TCF19: variants seen among roughly 807,000 people sequenced by gnomAD.
The protein encoded by TCF19 is transcription factor 19, also known as transcription factor SC1.
Under a neutral mutation model 18.3 loss-of-function variants are expected in TCF19, and 9 were observed. The observed-to-expected ratio is 0.49, with a 90% confidence interval of 0.30 to 0.86. The LOEUF (loss-of-function observed/expected upper bound fraction) is 0.86. Ranked by LOEUF, TCF19 falls within the 40% of genes least tolerant of loss-of-function variation. The probability of loss-of-function intolerance (pLI) is 0.07; values close to 1 mark genes in which losing one functional copy is unlikely to be tolerated. For missense variants in TCF19, 376 were observed against 464.3 expected (o/e 0.81, Z 1.75); for synonymous variants, 176 against 185.3 (o/e 0.95, Z 0.41).
Position 31,162,794 on chromosome 6 carries a change from C to A in TCF19, c.*77C>A, listed in dbSNP as rs749828323. 9.8e-5 allele frequency: 151 copies of A among 1,539,816 alleles called. No homozygotes were observed. Among genetic ancestry groups the A allele is most frequent in the Non-Finnish European group, 1.3e-4 (149 of 1,149,628 alleles). ...AGCGAGCAAATAGGTCTGATAAATA[C>A]CCCCCTTCCCTTCCCTCCCCAGGAG... On this transcript the variant is annotated 3_prime_UTR_variant, in exon 4 of 4. Coordinates refer to ENST00000376257, the MANE Select transcript of TCF19 (RefSeq NM_007109.3). This position sits in a 1 kb window ranked among gnomAD's most constrained non-coding sequence, Gnocchi z 4.5.
At position 31,162,328 on chromosome 6, in the gene TCF19, G is replaced by T. The variant is rs756042226; in HGVS notation, c.798-149G>T. On this transcript the variant is annotated intron_variant, in intron 3 of 3. Coordinates refer to ENST00000376257, the MANE Select transcript of TCF19 (RefSeq NM_007109.3). The surrounding 1 kb of genome is among the most constrained non-coding windows in gnomAD (Gnocchi z 4.5). ...CTAGAGGTTTTTAGGCCCACCCTAT[G>T]TGTTTTTAAGGACAGAGTCCAGGCT... 1 of 1,193,464 alleles carries T rather than the reference G, an allele frequency of 8.4e-7. No homozygotes were observed. Among genetic ancestry groups the T allele is most frequent in the Non-Finnish European group, 1.2e-6 (1 of 856,098 alleles). 73.9% of individuals were successfully genotyped at this position (1,193,464 alleles called of 1,614,324 possible).
At position 31,159,314 on chromosome 6, in the gene TCF19, T is replaced by C. The variant is rs1004406067; in HGVS notation, c.-156T>C. 4 of 700,044 alleles carry C rather than the reference T, an allele frequency of 5.7e-6. No homozygotes were observed. The highest frequency in any genetic ancestry group is 5.4e-5 in the African/African-American group (3 of 55,474). The allele number at this position is 700,044 out of a possible 1,614,324, so 43.4% of individuals were successfully genotyped here. A position where few individuals can be genotyped will look rare whatever the true frequency, so the allele number is the denominator to read the frequency against. ...GGCTGCTTGCACTCTGAATTTGGGC[T>C]ATTCAGGTAGTGTGCTCAAAGTTGA... On this transcript the variant is annotated 5_prime_UTR_variant, in exon 2 of 4. Coordinates refer to ENST00000376257, the MANE Select transcript of TCF19 (RefSeq NM_007109.3).
chr6:31,159,837 G>C, intron 2 of TCF19, 130 bp downstream of exon 2: 2 of 932,820 alleles, frequency 2.1e-6, no homozygotes, highest in Non-Finnish European at 3.2e-6. Flanking sequence ...TCGTGGTCCA[G>C]ACCTTCATCT....
chr6:31,161,875 C>G lies in TCF19; in HGVS notation c.667C>G (p.Arg223Gly), dbSNP rs1394013679. 1 of 1,612,958 alleles carries G rather than the reference C, an allele frequency of 6.2e-7. No homozygotes were observed. Among genetic ancestry groups the G allele is most frequent in the South Asian group, 1.1e-5 (1 of 91,082 alleles). ...GCCTTCTGCTCCACCACAACGCAAT[C>G]GGAGGAAATCTGTTCACCGAGTGTT... The part of the protein sequence containing the change: ...TTPSAPPQRN[R>G]RKSVHRVLAE... The change falls in exon 3 of 4, where the codon CGG becomes GGG. Residue 223 changes from arginine to glycine, a missense_variant. By Grantham distance (125) the Arg-to-Gly change is moderately radical. Coordinates refer to ENST00000376257, the MANE Select transcript of TCF19 (RefSeq NM_007109.3).
Position 31,163,073 on chromosome 6 carries a change from T to A in TCF19, c.*356T>A. ...AACCGATGGAAAATGTAAGAGGGAG[T>A]TCTTAAGGTTCTTGGTGGCATCACC... On this transcript the variant is annotated 3_prime_UTR_variant, in exon 4 of 4. Coordinates refer to ENST00000376257, the MANE Select transcript of TCF19 (RefSeq NM_007109.3). 9.0e-7 allele frequency: 1 copy of A among 1,110,454 alleles called. No individual in the cohort carries two copies. Among genetic ancestry groups the A allele is most frequent in the Non-Finnish European group, 1.1e-6 (1 of 908,284 alleles). 68.8% of individuals were successfully genotyped at this position (1,110,454 alleles called of 1,614,324 possible).
In TCF19 at chr6:31,162,837, G is replaced by A. The variant is rs1282762748; in HGVS notation, c.*120G>A. 6.8e-7 allele frequency: 1 copy of A among 1,466,096 alleles called. No homozygotes were observed. The highest frequency in any genetic ancestry group is 9.0e-7 in the Non-Finnish European group (1 of 1,113,542). The allele number at this position is 1,466,096 out of a possible 1,614,324, so 90.8% of individuals were successfully genotyped here. On this transcript the variant is annotated 3_prime_UTR_variant, in exon 4 of 4. Coordinates refer to ENST00000376257, the MANE Select transcript of TCF19 (RefSeq NM_007109.3). The surrounding 1 kb of genome is among the most constrained non-coding windows in gnomAD (Gnocchi z 4.5). ...CCCAGGAGGGAATGACTACAGGGAAGAAGGATGGATTGATGTGGACTCATT... is the reference window on the plus strand; with the variant it reads ...CCCAGGAGGGAATGACTACAGGGAAAAAGGATGGATTGATGTGGACTCATT...
Position 31,162,545 on chromosome 6 carries a change from G to A in TCF19, c.866G>A (p.Gly289Glu). 1.2e-6 allele frequency: 2 copies of A among 1,612,874 alleles called. No individual in the cohort carries two copies. The highest frequency in any genetic ancestry group is 1.7e-6 in the Non-Finnish European group (2 of 1,179,994). Residue 289 changes from glycine (G) to glutamate (E), a missense_variant, in exon 4 of 4, where the codon GGG (glycine) becomes GAG (glutamate). Coordinates refer to ENST00000376257, the MANE Select transcript of TCF19 (RefSeq NM_007109.3). This position sits in a 1 kb window ranked among gnomAD's most constrained non-coding sequence, Gnocchi z 4.5. The stretch of plus-strand genomic sequence containing the variant: ...ATGGCTCCCCCTGCAGTTGGGGGCG[G>A]GGAGCCCTGTGCAGCTCCTTGTTGC... Reference protein sequence around the residue: ...APMAPPAVGGGEPCAAPCCCL... With the variant: ...APMAPPAVGGEEPCAAPCCCL...
intron 2 of TCF19, among the ~76,000 whole-genome samples, chr6:31,160,760 A>G (rs940735414): frequency 8.6e-5 from 13 of 151,676 alleles, no homozygotes; most frequent in African/African-American, 3.2e-4. Flanking sequence ...CTCCATCTCA[A>G]ACAAACAAAC....
rs958769233 is a variant in TCF19 at position 31,161,725 on chromosome 6, A to G, written c.517A>G (p.Thr173Ala). 2.6e-6 allele frequency: 4 copies of G among 1,564,948 alleles called. No homozygotes were observed. Among genetic ancestry groups the G allele is most frequent in the Non-Finnish European group, 3.5e-6 (4 of 1,154,078 alleles). The change falls in exon 3 of 4, where the codon ACA becomes GCA. Residue 173 changes from threonine (T) to alanine (A), a missense_variant. Physicochemically the swap from Thr to Ala is moderately conservative, Grantham distance 58 (BLOSUM62 0). Transcript: ENST00000376257. The part of the protein sequence containing the change: ...LSTFSPAPKA[T>A]LILNSIGSLS... Reference sequence around the variant, plus strand: ...CACCTTCTCCCCTGCCCCCAAGGCCACACTGATCCTAAACTCCATAGGCAG... The same window carrying G: ...CACCTTCTCCCCTGCCCCCAAGGCCGCACTGATCCTAAACTCCATAGGCAG...
Position 31,162,766 on chromosome 6 carries a change from A to G in TCF19, c.*49A>G. The G allele has an allele frequency of 6.3e-7, 1 of 1,592,922 alleles. No individual in the cohort carries two copies. The highest frequency in any genetic ancestry group is 8.5e-7 in the Non-Finnish European group (1 of 1,173,888). ...GACACACCTGCCCATGAGTAGACACAGCAGCGAGCAAATAGGTCTGATAAA... is the reference window on the plus strand; with the variant it reads ...GACACACCTGCCCATGAGTAGACACGGCAGCGAGCAAATAGGTCTGATAAA... On this transcript the variant is annotated 3_prime_UTR_variant, in exon 4 of 4. Transcript: ENST00000376257. The surrounding 1 kb of genome is among the most constrained non-coding windows in gnomAD (Gnocchi z 4.5).
chr6:31,163,147 CTG>C lies in TCF19; in HGVS notation c.*433_*434del, dbSNP rs1582020561. On this transcript the variant is annotated 3_prime_UTR_variant, in exon 4 of 4. Coordinates refer to ENST00000376257, the MANE Select transcript of TCF19 (RefSeq NM_007109.3). ...GGCCTGGCCCCAAAACTTCCCTACTCTGTGGCTAGTCCTGCTGCCAACAAAAT... is the reference window on the plus strand; with the variant it reads ...GGCCTGGCCCCAAAACTTCCCTACTCTGGCTAGTCCTGCTGCCAACAAAAT... 41 of 1,020,976 alleles carry C rather than the reference CTG, an allele frequency of 4.0e-5. No individual in the cohort carries two copies. The highest frequency in any genetic ancestry group is 1.3e-4 in the South Asian group (3 of 23,712). The allele number at this position is 1,020,976 out of a possible 1,614,324, so 63.2% of individuals were successfully genotyped here. A position where few individuals can be genotyped will look rare whatever the true frequency, so the allele number is the denominator to read the frequency against.
In TCF19 at chr6:31,162,093, G is replaced by A; in HGVS notation, c.797+88G>A. The A allele has an allele frequency of 7.3e-7, 1 of 1,377,594 alleles. No homozygotes were observed. The highest frequency in any genetic ancestry group is 9.8e-7 in the Non-Finnish European group (1 of 1,023,734). 85.3% of individuals were successfully genotyped at this position (1,377,594 alleles called of 1,614,324 possible). A position where few individuals can be genotyped will look rare whatever the true frequency, so the allele number is the denominator to read the frequency against. ...AGGCTGTGAGGAGGTCCCCCTGCCT[G>A]GGGGGATGGGCACGGGAGGTGGAAT... On this transcript the variant is annotated intron_variant, in intron 3 of 3. Coordinates refer to ENST00000376257, the MANE Select transcript of TCF19 (RefSeq NM_007109.3). The surrounding 1 kb of genome is among the most constrained non-coding windows in gnomAD (Gnocchi z 4.5).
rs1228663571 is a variant in TCF19 at position 31,163,302 on chromosome 6, T to C, written c.*585T>C. 1.0e-6 allele frequency: 1 copy of C among 986,356 alleles called. No homozygotes were observed. Among genetic ancestry groups the C allele is most frequent in the Non-Finnish European group, 1.2e-6 (1 of 830,696 alleles). 61.1% of individuals were successfully genotyped at this position (986,356 alleles called of 1,614,324 possible). On this transcript the variant is annotated 3_prime_UTR_variant, in exon 4 of 4. Transcript: ENST00000376257. Reference sequence around the variant, plus strand: ...TCCTTGCTTTCCAGGGAGAATGTGCTTGGCAAGGTCTGGAGAACTAATTCA... The same window carrying C: ...TCCTTGCTTTCCAGGGAGAATGTGCCTGGCAAGGTCTGGAGAACTAATTCA...
rs2151098813 is a variant in TCF19 at position 31,164,039 on chromosome 6, T to C, written c.*1322T>C. On this transcript the variant is annotated 3_prime_UTR_variant, in exon 4 of 4. Transcript: ENST00000376257. ...TCTAGGTTCAACAGAAATAAGATGATTTCTAAGTATAAAGCCATTTAAGAA... is the reference window on the plus strand; with the variant it reads ...TCTAGGTTCAACAGAAATAAGATGACTTCTAAGTATAAAGCCATTTAAGAA... 7 of 1,000,236 alleles carry C rather than the reference T, an allele frequency of 7.0e-6. No homozygotes were observed. Among genetic ancestry groups the C allele is most frequent in the East Asian group, 9.3e-5 (1 of 10,722 alleles). 62.0% of individuals were successfully genotyped at this position (1,000,236 alleles called of 1,614,324 possible). A position where few individuals can be genotyped will look rare whatever the true frequency, so the allele number is the denominator to read the frequency against.
At position 31,160,185 on chromosome 6, in the gene TCF19, A is replaced by G. The variant is rs2151090825; in HGVS notation, c.238+478A>G. ...GCTGTAGGAGTGTTATGGTTATTAG[A>G]CTATAGTAGCCAACATTCATCTAGT... On this transcript the variant is annotated intron_variant, in intron 2 of 3. Coordinates refer to ENST00000376257, the MANE Select transcript of TCF19 (RefSeq NM_007109.3). Among the ~76,000 whole-genome samples the G allele has an allele frequency of 1.3e-5, 2 of 152,294 alleles. 1 individual carries two copies. Among genetic ancestry groups the G allele is most frequent in the Middle Eastern group, 6.8e-3 (2 of 294 alleles).
In TCF19 at chr6:31,162,854, G is replaced by A; in HGVS notation, c.*137G>A. The A allele has an allele frequency of 2.8e-6, 4 of 1,446,262 alleles. No individual in the cohort carries two copies. The highest frequency in any genetic ancestry group is 9.1e-7 in the Non-Finnish European group (1 of 1,104,362). 89.6% of individuals were successfully genotyped at this position (1,446,262 alleles called of 1,614,324 possible). On this transcript the variant is annotated 3_prime_UTR_variant, in exon 4 of 4. Transcript: ENST00000376257. This position sits in a 1 kb window ranked among gnomAD's most constrained non-coding sequence, Gnocchi z 4.5. ...ACAGGGAAGAAGGATGGATTGATGTGGACTCATTCAGGGCCTGGAGCAGAC... is the reference window on the plus strand; with the variant it reads ...ACAGGGAAGAAGGATGGATTGATGTAGACTCATTCAGGGCCTGGAGCAGAC...
chr6:31,162,900 A>G lies in TCF19; in HGVS notation c.*183A>G. Reference sequence around the variant, plus strand: ...CAGACCCTGGTGGCCAAGACAGAAGAGATGGTTTCCTGCCAAAGATATTGC... The same window carrying G: ...CAGACCCTGGTGGCCAAGACAGAAGGGATGGTTTCCTGCCAAAGATATTGC... On this transcript the variant is annotated 3_prime_UTR_variant, in exon 4 of 4. Transcript: ENST00000376257. This position sits in a 1 kb window ranked among gnomAD's most constrained non-coding sequence, Gnocchi z 4.5. The G allele has an allele frequency of 7.1e-7, 1 of 1,408,812 alleles. No homozygotes were observed. The highest frequency in any genetic ancestry group is 2.6e-5 in the East Asian group (1 of 38,762). 87.3% of individuals were successfully genotyped at this position (1,408,812 alleles called of 1,614,324 possible).
Position 31,162,383 on chromosome 6 carries a change from G to A in TCF19, c.798-94G>A. On this transcript the variant is annotated intron_variant, in intron 3 of 3. Transcript: ENST00000376257. This position sits in a 1 kb window ranked among gnomAD's most constrained non-coding sequence, Gnocchi z 4.5. ...TTAGTTCTCAGACCACTGTGCCTCT[G>A]TGGCCTCACCCTATGACCAGCCATA... is the stretch of plus-strand genomic sequence containing the variant. 6.7e-7 allele frequency: 1 copy of A among 1,496,014 alleles called. No homozygotes were observed. Among genetic ancestry groups the A allele is most frequent in the Non-Finnish European group, 9.0e-7 (1 of 1,115,996 alleles). 92.7% of individuals were successfully genotyped at this position (1,496,014 alleles called of 1,614,324 possible).
rs1776923612 is a variant in TCF19 at position 31,163,258 on chromosome 6, T to G, written c.*541T>G. On this transcript the variant is annotated 3_prime_UTR_variant, in exon 4 of 4. Transcript: ENST00000376257. The stretch of plus-strand genomic sequence containing the variant: ...TCATTCACTCCTGGGCATTTACTCT[T>G]CTTGTGGGTCTGTGATATTCCTTGC... 2.0e-6 allele frequency: 2 copies of G among 988,736 alleles called. No homozygotes were observed. The highest frequency in any genetic ancestry group is 2.4e-6 in the Non-Finnish European group (2 of 831,988). The allele number at this position is 988,736 out of a possible 1,614,324, so 61.2% of individuals were successfully genotyped here.
Sources: allele counts gnomAD v4.1 joint callset (sites outside exome capture counted in the v4.1 genomes callset), GRCh38; gene constraint gnomAD v4.1.1; non-coding constraint Gnocchi (gnomAD v3.1); transcripts MANE v1.5; gene names NCBI Gene and HGNC (gene_info 2026-07-23, HGNC 2026-07-21).